TMTC3: variants seen among roughly 807,000 people sequenced by gnomAD.
The protein encoded by TMTC3 is protein O-mannosyl-transferase TMTC3.
In TMTC3, 52 loss-of-function variants were observed where a neutral mutation model predicts 92.2. That is an observed-to-expected ratio of 0.56 (90% CI 0.45 to 0.71). The LOEUF (loss-of-function observed/expected upper bound fraction) is 0.71, where lower values mean the gene tolerates loss of function less well. Among genes scored for constraint, TMTC3 ranks in the 30% least tolerant of loss-of-function variants. The pLI, the probability that TMTC3 is intolerant of heterozygous loss-of-function variation, is 0.00. For missense variants in TMTC3, 896 were observed against 1,057.1 expected, an observed-to-expected ratio of 0.85 and a Z score of 2.11; for synonymous variants, 339 against 363.3, an observed-to-expected ratio of 0.93 and a Z score of 0.76.
At chr12:88,145,696 G>T (rs904813949) in intron 1 of TMTC3, among the ~76,000 whole-genome samples, 1 of 152,158 alleles carries the variant, frequency 6.6e-6, no homozygotes, top group Non-Finnish European at 1.5e-5. Context: ...GAGGGAAATA[G>T]ATATTATGTA....
At position 88,160,826 on chromosome 12, in the gene TMTC3, C is replaced by G; in HGVS notation, c.772C>G (p.Gln258Glu). Residue 258 changes from glutamine to glutamate, a missense_variant, in exon 6 of 14, where the codon CAA becomes GAA. Physicochemically the swap from Gln to Glu is conservative, Grantham distance 29. Coordinates refer to ENST00000266712, the MANE Select transcript of TMTC3 (RefSeq NM_181783.4). Reference protein sequence around the residue: ...LLVVIRVQVIQSQLPVFTRFD... With the variant: ...LLVVIRVQVIESQLPVFTRFD... ...TGTTGTGATTAGAGTCCAGGTTATT[C>G]AATCCCAACTTCCAGTATTCACCAG... 4 of 1,610,454 alleles carry G rather than the reference C, an allele frequency of 2.5e-6. No individual in the cohort carries two copies. The highest frequency in any genetic ancestry group is 3.4e-6 in the Non-Finnish European group (4 of 1,178,530).
intron 4 of TMTC3, among the ~76,000 whole-genome samples, chr12:88,156,811 G>GTGT (rs533189653): frequency 1.1e-3 from 152 of 136,750 alleles, no homozygotes; most frequent in African/African-American, 2.7e-3. Flanking sequence ...GTGTGTGTGT[G>GTGT]TTTTTTTTTT....
chr12:88,142,624 G>C (rs117201606), intron 1 of TMTC3, 137 bp downstream of exon 1: 1 of 152,398 alleles, frequency 6.6e-6, no homozygotes, highest in Non-Finnish European at 1.5e-5. Flanking sequence ...CTCTTCAGGC[G>C]TTTGCAAGCG....
chr12:88,187,215 A>G (rs2041387931), intron 10 of TMTC3, among the ~76,000 whole-genome samples: 1 of 151,612 alleles, frequency 6.6e-6, no homozygotes, highest in South Asian at 2.1e-4. Flanking sequence ...CATATTTTTA[A>G]TTGACAATAA....
chr12:88,165,978 A>C (rs932010004), intron 6 of TMTC3, among the ~76,000 whole-genome samples: 1 of 152,180 alleles, frequency 6.6e-6, no homozygotes, highest in South Asian at 2.1e-4. Context: ...ACAACCATAA[A>C]TCTTATACAA....
At chr12:88,163,922 G>A (rs563074114) in intron 6 of TMTC3, among the ~76,000 whole-genome samples, 76 of 152,080 alleles carry the variant, frequency 5.0e-4, no homozygotes, top group Non-Finnish European at 1.3e-4. Context: ...ATCAGGCCAG[G>A]TGTGGTGGCT....
intron 10 of TMTC3, among the ~76,000 whole-genome samples, chr12:88,184,176 G>A (rs2138428054): frequency 6.6e-6 from 1 of 152,184 alleles, no homozygotes; most frequent in East Asian, 1.9e-4. Context: ...CCAAGAGAGT[G>A]CAGCCCCCCT....
chr12:88,152,136 C>T (rs754275790), intron 2 of TMTC3, among the ~76,000 whole-genome samples: 5 of 152,110 alleles, frequency 3.3e-5, no homozygotes, highest in Non-Finnish European at 7.4e-5. Flanking sequence ...AAAGGAATAC[C>T]TGGTAATTTA....
rs894322998 is a variant in TMTC3 at position 88,198,118 on chromosome 12, G to A, written c.*2469G>A. On this transcript the variant is annotated 3_prime_UTR_variant, in exon 14 of 14. Coordinates refer to ENST00000266712, the MANE Select transcript of TMTC3 (RefSeq NM_181783.4). ...TAAGAGTTTAAGTTCCATCAAACTA[G>A]CCCTTGTGTAAGATTATTATTTCTT... The A allele has an allele frequency of 2.6e-6, 1 of 388,202 alleles. No individual in the cohort carries two copies. The highest frequency in any genetic ancestry group is 4.6e-6 in the Non-Finnish European group (1 of 219,540). The allele number at this position is 388,202 out of a possible 1,614,324, so 24.0% of individuals were successfully genotyped here.
Position 88,192,828 on chromosome 12 carries a change from C to T in TMTC3, c.1931C>T (p.Ser644Leu), listed in dbSNP as rs369652684. ...LFNSAIVMQE[S>L]GEVKLRPEAR... ...AACTCTGCTATAGTAATGCAAGAATCAGGTATGTTTTCTCAAAATATTTCT... is the reference window on the plus strand; with the variant it reads ...AACTCTGCTATAGTAATGCAAGAATTAGGTATGTTTTCTCAAAATATTTCT... Residue 644 changes from serine to leucine, a missense_variant and splice_region_variant, in exon 13 of 14, where the codon TCA becomes TTA. Ser to Leu is a moderately radical substitution (Grantham distance 145). Transcript: ENST00000266712. The T allele has an allele frequency of 1.2e-6, 2 of 1,602,818 alleles. No individual in the cohort carries two copies. The highest frequency in any genetic ancestry group is 1.7e-6 in the Non-Finnish European group (2 of 1,174,452).
At chr12:88,171,112 C>T (rs991699878) in intron 7 of TMTC3, among the ~76,000 whole-genome samples, 2 of 152,066 alleles carry the variant, frequency 1.3e-5, no homozygotes, top group African/African-American at 4.8e-5. Flanking sequence ...CTTGTCTGAA[C>T]GACACCTGAT....
At chr12:88,164,189 CA>C (rs1008391943) in intron 6 of TMTC3, among the ~76,000 whole-genome samples, 690 of 48,830 alleles carry the variant, frequency 0.014, 4 homozygotes, top group African/African-American at 0.038. Context: ...GACTTTGTCT[CA>C]AAAAAAAAAA....
chr12:88,186,674 T>A (rs138409120), intron 10 of TMTC3, among the ~76,000 whole-genome samples: 69 of 152,324 alleles, frequency 4.5e-4, no homozygotes, highest in African/African-American at 1.6e-3. Flanking sequence ...TTTTCTTACC[T>A]TTTGTTAATA....
intron 7 of TMTC3, among the ~76,000 whole-genome samples, chr12:88,171,971 C>T (rs1019302697): frequency 6.6e-6 from 1 of 151,976 alleles, no homozygotes; most frequent in Non-Finnish European, 1.5e-5. Context: ...CATTTATATA[C>T]TTGATGGCCA....
chr12:88,195,108 A>AT lies in TMTC3; in HGVS notation c.2205dup (p.Ile736TyrfsTer26). The AT allele has an allele frequency of 6.2e-7, 1 of 1,613,888 alleles. No individual in the cohort carries two copies. Among genetic ancestry groups the AT allele is most frequent in the Non-Finnish European group, 8.5e-7 (1 of 1,179,908 alleles). The stretch of plus-strand genomic sequence containing the variant: ...GAGTTACTCAGATACTACCCTGATC[A>AT]TATCAAGGGCCTCATTTTAAAAGGA... On this transcript the variant is annotated frameshift_variant, in exon 14 of 14. Coordinates refer to ENST00000266712, the MANE Select transcript of TMTC3 (RefSeq NM_181783.4). LOFTEE classifies it high-confidence loss of function.
At chr12:88,154,701 A>G (rs1163084003) in intron 4 of TMTC3, among the ~76,000 whole-genome samples, 1 of 152,210 alleles carries the variant, frequency 6.6e-6, no homozygotes, top group Non-Finnish European at 1.5e-5. Flanking sequence ...TTAATGATAT[A>G]GATTCCAGTA....
In TMTC3 at chr12:88,176,247, C is replaced by A; in HGVS notation, c.1360C>A (p.His454Asn). The A allele has an allele frequency of 1.2e-6, 2 of 1,611,986 alleles. No individual in the cohort carries two copies. The highest frequency in any genetic ancestry group is 1.1e-5 in the South Asian group (1 of 90,778). ...NNAKLWNNVG[H>N]ALENEKNFER... ...TGCCAAACTTTGGAATAATGTGGGT[C>A]ATGCTCTGGAAAATGAAAAGAACTT... The change falls in exon 10 of 14, where the codon CAT becomes AAT. Residue 454 changes from histidine (H) to asparagine (N), a missense_variant. Physicochemically the swap from His to Asn is moderately conservative, Grantham distance 68 (BLOSUM62 1). Coordinates refer to ENST00000266712, the MANE Select transcript of TMTC3 (RefSeq NM_181783.4).
Position 88,199,080 on chromosome 12 carries a change from A to ATTT in TMTC3, c.*3432_*3434dup, listed in dbSNP as rs2041551074. On this transcript the variant is annotated 3_prime_UTR_variant, in exon 14 of 14. Coordinates refer to ENST00000266712, the MANE Select transcript of TMTC3 (RefSeq NM_181783.4). The stretch of plus-strand genomic sequence containing the variant: ...AAAAAATACAACATTGTATATAGAG[A>ATTT]TTTCTTTTATGAAGAAGAGCTGACG... 3.2e-5 allele frequency: 1 copy of ATTT among 31,580 alleles called. No homozygotes were observed. Among genetic ancestry groups the ATTT allele is most frequent in the Admixed American group, 4.6e-4 (1 of 2,190 alleles). 2.0% of individuals were successfully genotyped at this position (31,580 alleles called of 1,614,324 possible). A position where few individuals can be genotyped will look rare whatever the true frequency, so the allele number is the denominator to read the frequency against.
At chr12:88,174,318 G>A (rs10745470) in intron 8 of TMTC3, among the ~76,000 whole-genome samples, 150,643 of 152,182 alleles carry the variant, frequency 0.99, 74,566 homozygotes, top group East Asian at 1. Context: ...AAAAAGTCAC[G>A]TTTAAAAATT....
Sources: gnomAD v4.1 joint callset for allele counts (sites outside exome capture counted in the v4.1 genomes callset) on GRCh38, gnomAD v4.1.1 for gene constraint, MANE v1.5 for transcripts, NCBI Gene and HGNC (gene_info 2026-07-23, HGNC 2026-07-21) for gene names.